ZNF385D: variants seen among roughly 807,000 people sequenced by gnomAD.
ZNF385D encodes the protein zinc finger protein 659.
ZNF385D carries 15 observed loss-of-function variants against 35.8 expected under a neutral mutation model. The ratio of observed to expected loss-of-function variants is 0.42; its 90% CI spans 0.28 to 0.64. ZNF385D has a LOEUF of 0.64. Among genes scored for constraint, ZNF385D ranks in the 30% least tolerant of loss-of-function variants. The pLI, the probability that ZNF385D is intolerant of heterozygous loss-of-function variation, is 0.23. For synonymous variants in ZNF385D, 212 were observed against 186.8 expected, an observed-to-expected ratio of 1.13 and a Z score of -1.10; for missense variants, 474 against 494.6, an observed-to-expected ratio of 0.96 and a Z score of 0.39.
At chr3:22,108,295 G>T (rs1290338124) in intron 3 of ZNF385D, among the ~76,000 whole-genome samples, 1 of 151,830 alleles carries the variant, frequency 6.6e-6, no homozygotes, top group Non-Finnish European at 1.5e-5. Flanking sequence ...CAGAACATCT[G>T]TCGAGTGTTC....
intron 3 of ZNF385D, among the ~76,000 whole-genome samples, chr3:22,002,634 C>T (rs934454572): frequency 1.3e-5 from 2 of 152,048 alleles, no homozygotes; most frequent in East Asian, 3.9e-4. Flanking sequence ...ACAACTACTA[C>T]AACCCTCAAA....
intron 2 of ZNF385D, among the ~76,000 whole-genome samples, chr3:22,331,156 G>C (rs1284352536): frequency 1.3e-5 from 2 of 152,166 alleles, no homozygotes; most frequent in African/African-American, 4.8e-5. Context: ...GTATTCCTAT[G>C]ACAAATACTT....
intron 3 of ZNF385D, among the ~76,000 whole-genome samples, chr3:22,046,058 G>C (rs1169229182): frequency 6.6e-6 from 1 of 151,338 alleles, no homozygotes; most frequent in East Asian, 2.0e-4. Flanking sequence ...AACCCTGGCA[G>C]ATTCAGCTGG....
Position 21,972,004 on chromosome 3 carries a change from A to C in ZNF385D, c.325+196813T>G, listed in dbSNP as rs560112204. 2.4e-4 allele frequency among the ~76,000 whole-genome samples: 36 copies of C among 152,142 alleles called. No individual in the cohort carries two copies. The South Asian group carries it at 2.7e-3, about 11-fold the overall frequency. ...CAAGAGAGGTAGATCCCAACACAAT[A>C]ATAGTTGGAGACTTCAACATCCATT... On this transcript the variant is annotated intron_variant, in intron 3 of 5. Coordinates refer to the ZNF385D transcript ENST00000494108.
chr3:21,779,430 C>A (rs968908768), intron 3 of ZNF385D, among the ~76,000 whole-genome samples: 2 of 151,612 alleles, frequency 1.3e-5, no homozygotes, highest in African/African-American at 4.8e-5. Flanking sequence ...TTAAAGAGAG[C>A]GGATTGTTGC....
chr3:22,196,368 C>T (rs1228772435), intron 2 of ZNF385D, among the ~76,000 whole-genome samples: 1 of 151,894 alleles, frequency 6.6e-6, no homozygotes, highest in African/African-American at 2.4e-5. Flanking sequence ...GTGTATTTTG[C>T]AACAATAGAA....
chr3:21,699,684 T>C (rs1434747817), intron 1 of ZNF385D, among the ~76,000 whole-genome samples: 1 of 152,020 alleles, frequency 6.6e-6, no homozygotes, highest in East Asian at 1.9e-4. Context: ...AATGTTGAAA[T>C]AATACTTTTG....
chr3:21,674,947 G>C (rs1322915796), intron 1 of ZNF385D, among the ~76,000 whole-genome samples: 1 of 151,906 alleles, frequency 6.6e-6, no homozygotes, highest in Non-Finnish European at 1.5e-5. Flanking sequence ...TGGATGGATG[G>C]ATGGAAAAAT....
chr3:21,490,604 G>A (rs995445925), intron 4 of ZNF385D, among the ~76,000 whole-genome samples: 2 of 152,070 alleles, frequency 1.3e-5, no homozygotes, highest in African/African-American at 4.8e-5. Flanking sequence ...GTGATATTGT[G>A]AAAAAGCCTA....
chr3:21,783,738 C>T (rs1238123967), intron 3 of ZNF385D, among the ~76,000 whole-genome samples: 1 of 152,102 alleles, frequency 6.6e-6, no homozygotes, highest in African/African-American at 2.4e-5. Flanking sequence ...GTAAAAGATG[C>T]TCTTTACAAA....
intron 2 of ZNF385D, among the ~76,000 whole-genome samples, chr3:22,344,633 G>A (rs983530294): frequency 1.3e-5 from 2 of 151,938 alleles, no homozygotes; most frequent in East Asian, 3.9e-4. Flanking sequence ...TGTTGCTCAG[G>A]CTTGTCTCAA....
chr3:22,138,128 C>T lies in ZNF385D; in HGVS notation c.325+30689G>A, dbSNP rs1007816809. Among the ~76,000 whole-genome samples, 10 of 152,098 alleles carry T rather than the reference C, an allele frequency of 6.6e-5. No homozygotes were observed. The East Asian group carries it at 9.7e-4, about 15-fold the overall frequency. ...TTACAAGGGACGTGAAGGACATCTT[C>T]GAGGAGAACTACAAACCACTGCTCA... On this transcript the variant is annotated intron_variant, in intron 3 of 5. Transcript: ENST00000494108.
intron 2 of ZNF385D, among the ~76,000 whole-genome samples, chr3:21,610,669 G>A (rs2064645393): frequency 6.6e-6 from 1 of 152,010 alleles, no homozygotes; most frequent in Non-Finnish European, 1.5e-5. Context: ...CAGCTACTCA[G>A]GAGGCTGAGA....
chr3:21,886,582 A>T (rs1266340428), intron 3 of ZNF385D, among the ~76,000 whole-genome samples: 2 of 152,088 alleles, frequency 1.3e-5, no homozygotes, highest in Non-Finnish European at 2.9e-5. Context: ...CACAATTTTT[A>T]TGAGTCTTGT....
intron 1 of ZNF385D, among the ~76,000 whole-genome samples, chr3:21,684,149 T>A (rs191617191): frequency 6.7e-6 from 1 of 149,688 alleles, no homozygotes; most frequent in East Asian, 2.0e-4. Flanking sequence ...CTGCCAAACA[T>A]CACTGTCTCC....
intron 3 of ZNF385D, among the ~76,000 whole-genome samples, chr3:22,028,912 T>G (rs1697737527): frequency 6.6e-6 from 1 of 152,208 alleles, no homozygotes; most frequent in African/African-American, 2.4e-5. Flanking sequence ...AGACCATGTG[T>G]GCTCTGAATC....
At chr3:21,589,616 C>A (rs1009263997) in intron 2 of ZNF385D, among the ~76,000 whole-genome samples, 1 of 151,972 alleles carries the variant, frequency 6.6e-6, no homozygotes, top group Admixed American at 6.6e-5. Flanking sequence ...AGACAAGTTA[C>A]AAATATGACA....
chr3:21,811,020 T>C (rs2072899347), intron 3 of ZNF385D, among the ~76,000 whole-genome samples: 1 of 148,310 alleles, frequency 6.7e-6, no homozygotes, highest in African/African-American at 2.5e-5. Flanking sequence ...ACATTTTAAG[T>C]AAGTAATTAA....
intron 1 of ZNF385D, among the ~76,000 whole-genome samples, chr3:21,713,477 T>C (rs1474325025): frequency 6.6e-6 from 1 of 152,154 alleles, no homozygotes; most frequent in Non-Finnish European, 1.5e-5. Flanking sequence ...GTGCTCTTCA[T>C]CACCATCTCC....
Sources: allele counts gnomAD v4.1 joint callset (sites outside exome capture counted in the v4.1 genomes callset), GRCh38; gene constraint gnomAD v4.1.1; transcripts MANE v1.5; gene names NCBI Gene and HGNC (gene_info 2026-07-23, HGNC 2026-07-21).